NAV2: variants seen among roughly 807,000 people sequenced by gnomAD.
The protein encoded by NAV2 is neuron navigator 2.
In NAV2, 54 loss-of-function variants were observed where a neutral mutation model predicts 223.2. The observed-to-expected ratio is 0.24, with a 90% confidence interval of 0.19 to 0.30. The LOEUF is 0.30. NAV2 is among the 10% of genes least tolerant of loss of function. NAV2 has a pLI of 1.00. For missense variants in NAV2, 2,806 were observed against 3,147.5 expected, an observed-to-expected ratio of 0.89 and a Z score of 2.60; for synonymous variants, 1,279 against 1,239.3, an observed-to-expected ratio of 1.03 and a Z score of -0.67.
chr11:19,448,700 T>A (rs143327968), intron 1 of NAV2, among the ~76,000 whole-genome samples: 3 of 152,392 alleles, frequency 2.0e-5, no homozygotes, highest in African/African-American at 2.4e-5. Flanking sequence ...ATTACATTCC[T>A]TACTTCATAT....
In NAV2 at chr11:19,957,685, A is replaced by T. The variant is rs371215438; in HGVS notation, c.2645+8605A>T. On this transcript the variant is annotated intron_variant, in intron 10 of 37. Transcript: ENST00000349880. ...GAGGAGAAAGAATAGCTGAGCTGCT[A>T]GCCCACTGGAGGAGGAGAAATTCTC... 3.0e-4 allele frequency among the ~76,000 whole-genome samples: 45 copies of T among 152,320 alleles called. 2 individuals carry two copies. The South Asian group carries it at 8.5e-3, about 29-fold the overall frequency.
intron 10 of NAV2, among the ~76,000 whole-genome samples, chr11:19,959,625 T>C (rs2048181041): frequency 6.6e-6 from 1 of 152,232 alleles, no homozygotes; most frequent in Admixed American, 6.5e-5. Flanking sequence ...AGATTCAATC[T>C]GATATAACCA....
At chr11:19,557,812 C>T (rs1314702926) in intron 1 of NAV2, among the ~76,000 whole-genome samples, 1 of 152,208 alleles carries the variant, frequency 6.6e-6, no homozygotes, top group Non-Finnish European at 1.5e-5. Flanking sequence ...AGCTGCATTC[C>T]TGCAGTCAGG....
Position 19,665,272 on chromosome 11 carries a change from C to T in NAV2, c.76-167212C>T, listed in dbSNP as rs145240780. Reference sequence around the variant, plus strand: ...TTCCTGAAGCTCTCTAGGCTGCAGCCGACTGGCCAAGATCCTCTTTTACTC... The same window carrying T: ...TTCCTGAAGCTCTCTAGGCTGCAGCTGACTGGCCAAGATCCTCTTTTACTC... On this transcript the variant is annotated intron_variant, in intron 1 of 37. Transcript: ENST00000360655. Among the ~76,000 whole-genome samples the T allele has an allele frequency of 5.0e-4, 76 of 152,308 alleles. 1 individual carries two copies. The East Asian group carries it at 0.012, about 23-fold the overall frequency.
chr11:19,884,282 C>A (rs1346529959), intron 5 of NAV2: 8 of 1,607,336 alleles, frequency 5.0e-6, no homozygotes, highest in Non-Finnish European at 6.8e-6. Context: ...TTTTTTCTTT[C>A]CTATCATGCA....
At chr11:20,078,128 A>G (rs773232397) in intron 24 of NAV2, 24 bp downstream of exon 24, 5 of 1,570,612 alleles carry the variant, frequency 3.2e-6, no homozygotes, top group Non-Finnish European at 3.5e-6. Flanking sequence ...AACAGCCTTT[A>G]GCCAGAAGAC....
At chr11:19,799,974 TGG>T (rs2058141331) in intron 1 of NAV2, among the ~76,000 whole-genome samples, 2 of 152,226 alleles carry the variant, frequency 1.3e-5, no homozygotes, top group Non-Finnish European at 2.9e-5. Flanking sequence ...TAACTGTCCC[TGG>T]GTTTCAGCCC....
At position 20,120,419 on chromosome 11, in the gene NAV2, A is replaced by T. The variant is rs1427964895; in HGVS notation, c.*2161A>T. The T allele has an allele frequency of 6.6e-6, 1 of 152,602 alleles. No individual in the cohort carries two copies. The highest frequency in any genetic ancestry group is 1.5e-5 in the Non-Finnish European group (1 of 68,046). 9.5% of individuals were successfully genotyped at this position (152,602 alleles called of 1,614,324 possible). The stretch of plus-strand genomic sequence containing the variant: ...ATTTAGCCTGTGACCAGGGGGGCCA[A>T]ACCCTAAGATTTCTGGTAAACCTGA... On this transcript the variant is annotated 3_prime_UTR_variant, in exon 38 of 38. Coordinates refer to ENST00000349880, the MANE Select transcript of NAV2 (RefSeq NM_145117.5).
chr11:20,048,112 C>A (rs984144726), intron 14 of NAV2, among the ~76,000 whole-genome samples: 6 of 152,170 alleles, frequency 3.9e-5, no homozygotes, highest in African/African-American at 1.2e-4. Flanking sequence ...GTGAACCAAG[C>A]AAGATTTCCA....
chr11:19,939,847 G>C (rs1048406563), intron 8 of NAV2, 74 bp downstream of exon 8: 4 of 1,007,260 alleles, frequency 4.0e-6, no homozygotes, highest in Non-Finnish European at 6.0e-6. Flanking sequence ...GGAACAGCAT[G>C]AACCCAGCTT....
At chr11:20,051,632 T>C (rs2058017324) in intron 17 of NAV2, among the ~76,000 whole-genome samples, 1 of 152,140 alleles carries the variant, frequency 6.6e-6, no homozygotes. Flanking sequence ...GGCCAATGGG[T>C]TTAATTTCTG....
chr11:20,070,603 G>C (rs569327937), intron 22 of NAV2, among the ~76,000 whole-genome samples: 5 of 152,300 alleles, frequency 3.3e-5, no homozygotes, highest in African/African-American at 1.2e-4. Context: ...CACACTGCTG[G>C]AAGGGTGAAC....
intron 1 of NAV2, among the ~76,000 whole-genome samples, chr11:19,517,561 AGAG>A (rs1158050600): frequency 6.6e-6 from 1 of 152,328 alleles, no homozygotes; most frequent in East Asian, 1.9e-4. Context: ...AGCCCTGCAA[AGAG>A]GAGGTGGTTG....
At chr11:19,957,492 A>G (rs1339805704) in intron 10 of NAV2, among the ~76,000 whole-genome samples, 3 of 152,182 alleles carry the variant, frequency 2.0e-5, no homozygotes, top group African/African-American at 7.2e-5. Context: ...GTTGTCTGAC[A>G]TGGGTGGTTT....
At chr11:19,736,626 G>A (rs1158588257) in intron 1 of NAV2, among the ~76,000 whole-genome samples, 1 of 152,204 alleles carries the variant, frequency 6.6e-6, no homozygotes, top group Non-Finnish European at 1.5e-5. Context: ...CTCACATTTT[G>A]CTCCATATGT....
intron 1 of NAV2, among the ~76,000 whole-genome samples, chr11:19,743,719 CA>C (rs1435803688): frequency 1.3e-5 from 2 of 152,238 alleles, no homozygotes; most frequent in Non-Finnish European, 2.9e-5. Context: ...GGACACAAAG[CA>C]TTAGCTCATC....
rs12419023 is a variant in NAV2 at position 19,366,330 on chromosome 11, T to A, written c.75+15303T>A. Among the ~76,000 whole-genome samples, 853 of 152,286 alleles carry A rather than the reference T, an allele frequency of 5.6e-3. 32 individuals are homozygous for A. Among genetic ancestry groups the A allele is most frequent in the Admixed American group, 0.046 (709 of 15,298 alleles). ...TGTGGAGCCCTGCTAGGCCTGGAGC[T>A]CTGGATGGATGGCAGGAGGGTGTGG... is the stretch of plus-strand genomic sequence containing the variant. On this transcript the variant is annotated intron_variant, in intron 1 of 37. Transcript: ENST00000360655.
At chr11:19,590,974 A>T (rs906595283) in intron 1 of NAV2, among the ~76,000 whole-genome samples, 7 of 152,202 alleles carry the variant, frequency 4.6e-5, no homozygotes, top group African/African-American at 1.7e-4. Flanking sequence ...GAAATACTTT[A>T]AAAACTTCCT....
intron 11 of NAV2, among the ~76,000 whole-genome samples, chr11:20,019,398 G>A (rs2054294748): frequency 6.6e-6 from 1 of 152,136 alleles, no homozygotes; most frequent in South Asian, 2.1e-4. Context: ...GGGAGTGGGG[G>A]TGCGGACACA....
Sources: gnomAD v4.1 joint callset for allele counts (sites outside exome capture counted in the v4.1 genomes callset) on GRCh38, gnomAD v4.1.1 for gene constraint, MANE v1.5 for transcripts, NCBI Gene and HGNC (gene_info 2026-07-23, HGNC 2026-07-21) for gene names.